Variants in KAZN observed in about 807,000 individuals in gnomAD.
The protein encoded by KAZN is kazrin, periplakin interacting protein.
In KAZN, 40 loss-of-function variants were observed where a neutral mutation model predicts 87.4. The ratio of observed to expected loss-of-function variants is 0.46; its 90% CI spans 0.36 to 0.60. The LOEUF (loss-of-function observed/expected upper bound fraction) is 0.60, where lower values mean the gene tolerates loss of function less well. Ranked by LOEUF, KAZN falls within the 20% of genes least tolerant of loss-of-function variation. The pLI is 0.00. For missense variants in KAZN, 898 were observed against 1,073.9 expected, an observed-to-expected ratio of 0.84 and a Z score of 2.29; for synonymous variants, 466 against 458.3, an observed-to-expected ratio of 1.02 and a Z score of -0.22.
intron 1 of KAZN, among the ~76,000 whole-genome samples, chr1:14,886,089 G>C (rs975664344): frequency 6.6e-6 from 1 of 151,872 alleles, no homozygotes; most frequent in African/African-American, 2.4e-5. Flanking sequence ...TGCCTTATGG[G>C]GTACAAAATT....
At position 14,367,748 on chromosome 1, in the gene KAZN, G is replaced by A. The variant is rs1017404675; in HGVS notation, c.249+187156G>A. On this transcript the variant is annotated intron_variant, in intron 2 of 16. Transcript: ENST00000636203. ...TAGTGCAAACACAATGTTGTCCAGC[G>A]GTGTTGCGTGATTTGATGGCAGGAG... 6.6e-5 allele frequency among the ~76,000 whole-genome samples: 10 copies of A among 152,182 alleles called. 1 individual carries two copies. In the East Asian group the frequency reaches 1.2e-3, roughly 18 times the overall value.
chr1:14,980,869 G>A (rs1432803402), intron 2 of KAZN, among the ~76,000 whole-genome samples: 1 of 152,168 alleles, frequency 6.6e-6, no homozygotes, highest in Non-Finnish European at 1.5e-5. Flanking sequence ...AGGGAGGCAG[G>A]AGGGGGAGGT....
chr1:15,112,657 G>A (rs1175616152), intron 14 of KAZN, 116 bp downstream of exon 14: 8 of 659,734 alleles, frequency 1.2e-5, no homozygotes, highest in East Asian at 2.8e-5. Context: ...GTGCCAGGCC[G>A]GGTCACGGGG....
intron 8 of KAZN, among the ~76,000 whole-genome samples, chr1:15,076,003 G>T (rs1224962533): frequency 6.6e-6 from 1 of 152,200 alleles, no homozygotes; most frequent in African/African-American, 2.4e-5. Flanking sequence ...CATCCAAATT[G>T]GATCCGTGCT....
chr1:14,549,411 C>T (rs1425934069), intron 2 of KAZN, among the ~76,000 whole-genome samples: 4 of 152,144 alleles, frequency 2.6e-5, no homozygotes, highest in Non-Finnish European at 4.4e-5. Flanking sequence ...GAGGAAGTCC[C>T]TTCCCAAATA....
At chr1:14,834,918 C>T (rs1275335675) in intron 1 of KAZN, among the ~76,000 whole-genome samples, 2 of 152,074 alleles carry the variant, frequency 1.3e-5, no homozygotes, top group Admixed American at 6.5e-5. Flanking sequence ...GGGCACTCTC[C>T]CATTTTAAAT....
chr1:14,637,738 C>T (rs936197060), intron 1 of KAZN, among the ~76,000 whole-genome samples: 3 of 150,564 alleles, frequency 2.0e-5, no homozygotes, highest in South Asian at 4.2e-4. Flanking sequence ...TTGTGGGGAC[C>T]TAAAAAAAGA....
chr1:14,260,201 C>G (rs1257568627), intron 2 of KAZN, among the ~76,000 whole-genome samples: 2 of 152,098 alleles, frequency 1.3e-5, no homozygotes, highest in African/African-American at 4.8e-5. Flanking sequence ...ACCAAGGAGA[C>G]AGCAGTGAGC....
At chr1:14,747,667 C>T (rs1471402629) in intron 1 of KAZN, among the ~76,000 whole-genome samples, 2 of 152,230 alleles carry the variant, frequency 1.3e-5, no homozygotes, top group African/African-American at 2.4e-5. Flanking sequence ...CTGTTATGAA[C>T]ATTAAATACA....
intron 1 of KAZN, among the ~76,000 whole-genome samples, chr1:14,697,158 GA>G (rs111950673): frequency 0.029 from 3,866 of 134,234 alleles, 209 homozygotes; most frequent in African/African-American, 0.097. Context: ...AAAAAAAAAA[GA>G]AAAGAAAAGA....
chr1:14,033,367 G>A (rs1420931393), intron 1 of KAZN, among the ~76,000 whole-genome samples: 1 of 152,202 alleles, frequency 6.6e-6, no homozygotes, highest in Non-Finnish European at 1.5e-5. Context: ...AGTCAAACGA[G>A]GAGGCTCTGA....
In KAZN at chr1:15,083,242, G is replaced by C. The variant is rs186775958; in HGVS notation, c.1223-10938G>C. On this transcript the variant is annotated intron_variant, in intron 8 of 14. Transcript: ENST00000376030. Reference sequence around the variant, plus strand: ...ACTCAAGCCTGTGCAGCCCCTTTTAGTTGCAAATGTCAACCTCAGGCTAGG... The same window carrying C: ...ACTCAAGCCTGTGCAGCCCCTTTTACTTGCAAATGTCAACCTCAGGCTAGG... Among the ~76,000 whole-genome samples, 21 of 152,342 alleles carry C rather than the reference G, an allele frequency of 1.4e-4. 1 individual carries two copies. The highest frequency in any genetic ancestry group is 5.0e-4 in the African/African-American group (21 of 41,586).
In KAZN at chr1:15,056,265, C is replaced by T; in HGVS notation, c.901C>T (p.Pro301Ser). ...TCTCTACCACTCACACCCCCCTCAC[C>T]CTGCGGACCGGCAAGGTGAGTCCTG... ...QTLYHSHPPHPADRQAVRVSP... is the reference protein window; with the variant it reads ...QTLYHSHPPHSADRQAVRVSP... Residue 301 changes from proline to serine, a missense_variant, in exon 5 of 15, where the codon CCT becomes TCT. This residue lies in a region of KAZN where 521 missense variants were observed against 689.4 expected (regional missense o/e 0.76). Coordinates refer to ENST00000376030, the MANE Select transcript of KAZN (RefSeq NM_201628.3). The surrounding 1 kb of genome is among the most constrained non-coding windows in gnomAD (Gnocchi z 5.4). 1 of 1,607,128 alleles carries T rather than the reference C, an allele frequency of 6.2e-7. No individual in the cohort carries two copies. The highest frequency in any genetic ancestry group is 2.2e-5 in the East Asian group (1 of 44,622).
chr1:14,858,209 C>CTT lies in KAZN; in HGVS notation c.227-102472_227-102471dup, dbSNP rs762613728. On this transcript the variant is annotated intron_variant, in intron 1 of 14. Coordinates refer to ENST00000376030, the MANE Select transcript of KAZN (RefSeq NM_201628.3). ...CTTTCTTTTTTTCTTTTTTCTTTTTCTTTTCTTTTTTTTTTTTTTTTGAGA... is the reference window on the plus strand; with the variant it reads ...CTTTCTTTTTTTCTTTTTTCTTTTTCTTTTTTCTTTTTTTTTTTTTTTTGAGA... Among the ~76,000 whole-genome samples the CTT allele has an allele frequency of 2.6e-4, 30 of 115,918 alleles. 5 individuals are homozygous for CTT. The highest frequency in any genetic ancestry group is 9.1e-4 in the Admixed American group (10 of 10,972). 76.0% of individuals were successfully genotyped at this position (115,918 alleles called of 152,430 possible). A position where few individuals can be genotyped will look rare whatever the true frequency, so the allele number is the denominator to read the frequency against.
intron 1 of KAZN, among the ~76,000 whole-genome samples, chr1:14,748,277 C>A (rs1201341478): frequency 6.6e-6 from 1 of 152,238 alleles, no homozygotes; most frequent in Non-Finnish European, 1.5e-5. Context: ...AAGCCCACTT[C>A]TCTCATCTTT....
chr1:14,468,886 CT>C (rs1668302960), intron 2 of KAZN, among the ~76,000 whole-genome samples: 1 of 152,160 alleles, frequency 6.6e-6, no homozygotes, highest in Non-Finnish European at 1.5e-5. Context: ...TTTCATTTGC[CT>C]CTTGGTTCCA....
chr1:14,818,683 A>G (rs1300157609), intron 1 of KAZN, among the ~76,000 whole-genome samples: 1 of 152,176 alleles, frequency 6.6e-6, no homozygotes, highest in African/African-American at 2.4e-5. Context: ...CATTGCAGGG[A>G]AGGAGCAGAC....
rs927268625 is a variant in KAZN, at chr1:14,922,431, G to A, written c.227-38253G>A. On this transcript the variant is annotated intron_variant, in intron 1 of 14. Coordinates refer to ENST00000376030, the MANE Select transcript of KAZN (RefSeq NM_201628.3). ...GATTCCCAGCATCTCTGGTCACTTG[G>A]TGTGGTGTCAGTTTCCTTCCTCCTG... Among the ~76,000 whole-genome samples, 21 of 152,132 alleles carry A rather than the reference G, an allele frequency of 1.4e-4. 1 individual carries two copies. Among genetic ancestry groups the A allele is most frequent in the Non-Finnish European group, 2.9e-4 (20 of 68,024 alleles).
intron 2 of KAZN, among the ~76,000 whole-genome samples, chr1:14,481,469 G>C (rs1669079784): frequency 6.6e-6 from 1 of 152,096 alleles, no homozygotes; most frequent in African/African-American, 2.4e-5. Context: ...TTAAGTAAGA[G>C]AGCAAGTTCC....
Sources: allele counts gnomAD v4.1 joint callset (sites outside exome capture counted in the v4.1 genomes callset), GRCh38; gene constraint gnomAD v4.1.1; regional missense constraint gnomAD v4.1.1; non-coding constraint Gnocchi (gnomAD v3.1); transcripts MANE v1.5; gene names NCBI Gene and HGNC (gene_info 2026-07-23, HGNC 2026-07-21).